The following TDRD3 variants were observed in gnomAD, a reference collection of about 807,000 sequenced individuals.
TDRD3 encodes tudor domain-containing protein 3.
TDRD3 carries 45 observed loss-of-function variants against 86.7 expected under a neutral mutation model. The observed-to-expected ratio is 0.52, with a 90% CI of 0.41 to 0.67. The LOEUF (loss-of-function observed/expected upper bound fraction) is 0.67. Ranked by LOEUF, TDRD3 falls within the 30% of genes least tolerant of loss-of-function variation. TDRD3 has a pLI of 0.00. For missense variants in TDRD3, 814 were observed against 889.0 expected (o/e 0.92, Z 1.07); for synonymous variants, 298 against 301.7 (o/e 0.99, Z 0.13).
rs201488596 is a variant in TDRD3, at chr13:60,397,321, ACCCCCACCCCAGC to A, written c.-35_-23del. 4.5e-3 allele frequency: 5,024 copies of A among 1,113,086 alleles called. 166 individuals are homozygous for A. In the African/African-American group the frequency reaches 0.077, roughly 17 times the overall value. The allele number at this position is 1,113,086 out of a possible 1,614,324, so 69.0% of individuals were successfully genotyped here. A position where few individuals can be genotyped will look rare whatever the true frequency, so the allele number is the denominator to read the frequency against. On this transcript the variant is annotated 5_prime_UTR_variant, in exon 1 of 14. It removes the in-frame stop codon of an upstream open reading frame in the 5' UTR. Coordinates refer to ENST00000377881, the MANE Select transcript of TDRD3 (RefSeq NM_001146070.2). ...GTCTCAAGTAGGAGGCCTCCCCATC[ACCCCCACCCCAGC>A]CCCCCACCACCCCCGGCCTAAGCAG...
chr13:60,516,905 T>C (rs1957185297), intron 10 of TDRD3, among the ~76,000 whole-genome samples: 1 of 152,202 alleles, frequency 6.6e-6, no homozygotes, highest in Non-Finnish European at 1.5e-5. Flanking sequence ...ACAAATTTGA[T>C]CACACTACCT....
intron 5 of TDRD3, among the ~76,000 whole-genome samples, chr13:60,474,183 T>TCC (rs1956133489): frequency 6.6e-6 from 1 of 151,960 alleles, no homozygotes; most frequent in Non-Finnish European, 1.5e-5. Flanking sequence ...TAAGCTGTCC[T>TCC]CTCTCTCTCT....
intron 2 of TDRD3, among the ~76,000 whole-genome samples, chr13:60,440,820 A>G (rs911527497): frequency 6.6e-6 from 1 of 152,204 alleles, no homozygotes; most frequent in African/African-American, 2.4e-5. Flanking sequence ...TTCCTAAGAG[A>G]ACTATAGTCT....
chr13:60,509,589 A>G, intron 8 of TDRD3, 174 bp from the exon 9 acceptor site: 1 of 764,768 alleles, frequency 1.3e-6, no homozygotes, highest in East Asian at 2.5e-5. Context: ...CCCACATATC[A>G]TACAGATTCT....
intron 3 of TDRD3, among the ~76,000 whole-genome samples, chr13:60,448,112 T>G (rs1450189032): frequency 6.6e-6 from 1 of 152,134 alleles, no homozygotes; most frequent in Non-Finnish European, 1.5e-5. Flanking sequence ...GTATTATTAT[T>G]TTTATAGTTA....
intron 1 of TDRD3, among the ~76,000 whole-genome samples, chr13:60,438,742 A>G (rs1955180424): frequency 1.3e-5 from 2 of 152,066 alleles, no homozygotes; most frequent in Admixed American, 6.6e-5. Flanking sequence ...TTGAGAGTTG[A>G]TGGTGGAATT....
At chr13:60,463,362 C>CAAAAAAAAAAAAAAAAAAAAAAAA (rs57195209) in intron 4 of TDRD3, among the ~76,000 whole-genome samples, 1 of 81,538 alleles carries the variant, frequency 1.2e-5, no homozygotes, top group Admixed American at 1.4e-4. Context: ...AATTCTGGCT[C>CAAAAAAAAAAAAAAAAAAAAAAAA]AAAAAAAAAA....
intron 1 of TDRD3, among the ~76,000 whole-genome samples, chr13:60,438,437 A>G (rs1955173694): frequency 6.6e-6 from 1 of 152,056 alleles, no homozygotes; most frequent in Admixed American, 6.5e-5. Flanking sequence ...GCCTTCATTT[A>G]TCATTGTGGT....
At chr13:60,531,326 T>C (rs1957578784) in intron 11 of TDRD3, among the ~76,000 whole-genome samples, 2 of 152,292 alleles carry the variant, frequency 1.3e-5, no homozygotes, top group East Asian at 1.9e-4. Context: ...TTGTTTTGAG[T>C]AGTGGGAGAT....
chr13:60,544,783 A>T (rs1957900904), intron 12 of TDRD3, among the ~76,000 whole-genome samples: 1 of 152,188 alleles, frequency 6.6e-6, no homozygotes, highest in African/African-American at 2.4e-5. Context: ...CAAACTCCAG[A>T]GCTCACTTGA....
intron 3 of TDRD3, among the ~76,000 whole-genome samples, chr13:60,456,901 G>T (rs1265408574): frequency 2.6e-5 from 4 of 151,990 alleles, no homozygotes; most frequent in Admixed American, 1.3e-4. Context: ...TCCCTATGTT[G>T]CCCAGGCTGG....
At chr13:60,525,091 A>AC (rs1335738346) in intron 10 of TDRD3, among the ~76,000 whole-genome samples, 21 of 149,122 alleles carry the variant, frequency 1.4e-4, no homozygotes, top group African/African-American at 4.9e-4. Context: ...TCTCTCAAAA[A>AC]AAAAAAAAAA....
At chr13:60,422,912 C>G (rs984156425) in intron 1 of TDRD3, among the ~76,000 whole-genome samples, 1 of 152,010 alleles carries the variant, frequency 6.6e-6, no homozygotes, top group African/African-American at 2.4e-5. Flanking sequence ...AGAAAACTTT[C>G]CAGATGGAAA....
chr13:60,437,503 A>G (rs1207172846), intron 1 of TDRD3, among the ~76,000 whole-genome samples: 1 of 152,034 alleles, frequency 6.6e-6, no homozygotes, highest in African/African-American at 2.4e-5. Flanking sequence ...TGCATCTTCT[A>G]AATTTGTATT....
At chr13:60,508,501 A>G (rs980774821) in intron 8 of TDRD3, among the ~76,000 whole-genome samples, 14 of 152,216 alleles carry the variant, frequency 9.2e-5, no homozygotes, top group Admixed American at 9.2e-4. Flanking sequence ...CAAACCTGAC[A>G]AAAACAAGCA....
rs1238024916 is a variant in TDRD3 at position 60,424,145 on chromosome 13, C to T, written c.42-15543C>T. ...CACGCCATTCTCCTGTCTTAGCCTC[C>T]CGAGTAGCTGGGACTACAGGCGCCC... On this transcript the variant is annotated intron_variant, in intron 1 of 13. Transcript: ENST00000377881. Among the ~76,000 whole-genome samples the T allele has an allele frequency of 2.0e-5, 3 of 151,868 alleles. No individual in the cohort carries two copies. In the East Asian group the frequency reaches 5.9e-4, roughly 30 times the overall value.
At chr13:60,444,874 C>A in intron 3 of TDRD3, 126 bp downstream of exon 3, 3 of 447,430 alleles carry the variant, frequency 6.7e-6, no homozygotes, top group Non-Finnish European at 1.2e-5. Flanking sequence ...GAACAGGTCA[C>A]AAAGTCATTG....
rs547709167 is a variant in TDRD3, at chr13:60,550,875, T to G, written c.2118+15642T>G. ...TATTGAACTATTGAACACTCAACTT[T>G]GTACCAGACATTATTCTAAGCTCTT... On this transcript the variant is annotated intron_variant, in intron 12 of 13. Coordinates refer to ENST00000377881, the MANE Select transcript of TDRD3 (RefSeq NM_001146070.2). Among the ~76,000 whole-genome samples, 4 of 152,274 alleles carry G rather than the reference T, an allele frequency of 2.6e-5. No homozygotes were observed. The South Asian group carries it at 6.2e-4, about 24-fold the overall frequency.
At chr13:60,529,671 TTAA>T (rs1366261798) in intron 11 of TDRD3, among the ~76,000 whole-genome samples, 2 of 152,092 alleles carry the variant, frequency 1.3e-5, no homozygotes, top group African/African-American at 4.8e-5. Flanking sequence ...AACATATAAG[TTAA>T]TTATTTATTT....
Sources: gnomAD v4.1 joint callset for allele counts (sites outside exome capture counted in the v4.1 genomes callset) on GRCh38, gnomAD v4.1.1 for gene constraint, MANE v1.5 for transcripts, NCBI Gene and HGNC (gene_info 2026-07-23, HGNC 2026-07-21) for gene names.